PRAMEF12: variants seen among roughly 807,000 people sequenced by gnomAD.
The protein encoded by PRAMEF12 is PRAME family member 12.
In PRAMEF12, 24 loss-of-function variants were observed where a neutral mutation model predicts 24.6. The ratio of observed to expected loss-of-function variants is 0.98; its 90% confidence interval spans 0.71 to 1.37. PRAMEF12 has a LOEUF of 1.37. Among genes scored for constraint, PRAMEF12 ranks in the 40% most tolerant of loss-of-function variants. PRAMEF12 has a pLI of 0.00. For missense variants in PRAMEF12, 646 were observed against 580.3 expected (o/e 1.11, Z -1.16); for synonymous variants, 286 against 242.6 (o/e 1.18, Z -1.66).
In PRAMEF12 at chr1:12,777,495, G is replaced by A; in HGVS notation, c.1348G>A (p.Val450Met). The change falls in exon 3 of 3, where the codon GTG becomes ATG. Residue 450 changes from valine (V) to methionine (M), a missense_variant. Coordinates refer to ENST00000357726, the MANE Select transcript of PRAMEF12 (RefSeq NM_001080830.5). ...GGACTTAAGGCAGCCCAAGATAATTGTGTTCAGCACTGTCCCCTGCCCTCG... is the reference window on the plus strand; with the variant it reads ...GGACTTAAGGCAGCCCAAGATAATTATGTTCAGCACTGTCCCCTGCCCTCG... ...LRDLRQPKII[V>M]FSTVPCPRCG... 2 of 1,614,082 alleles carry A rather than the reference G, an allele frequency of 1.2e-6. No individual in the cohort carries two copies. Among genetic ancestry groups the A allele is most frequent in the Non-Finnish European group, 1.7e-6 (2 of 1,180,012 alleles).
At position 12,777,705 on chromosome 1, in the gene PRAMEF12, A is replaced by G; in HGVS notation, c.*106A>G. The G allele has an allele frequency of 7.5e-7, 1 of 1,336,456 alleles. No homozygotes were observed. Among genetic ancestry groups the G allele is most frequent in the South Asian group, 1.4e-5 (1 of 70,924 alleles). The allele number at this position is 1,336,456 out of a possible 1,614,324, so 82.8% of individuals were successfully genotyped here. On this transcript the variant is annotated 3_prime_UTR_variant, in exon 3 of 3. Coordinates refer to ENST00000357726, the MANE Select transcript of PRAMEF12 (RefSeq NM_001080830.5). The stretch of plus-strand genomic sequence containing the variant: ...GCCTGCTCAATGTGAACCGGAAAGG[A>G]AAGGGGATGCAGGAAGGGAGGGACT...
chr1:12,776,935 G>C, intron 2 of PRAMEF12, 76 bp from the exon 3 acceptor site: 1 of 1,437,634 alleles, frequency 7.0e-7, no homozygotes, highest in African/African-American at 1.4e-5. Context: ...AACAGCCTTG[G>C]GTTGTGAAAA....
In PRAMEF12 at chr1:12,775,872, A is replaced by C. The variant is rs199909757; in HGVS notation, c.617A>C (p.Gln206Pro). The change falls in exon 2 of 3, where the codon CAG becomes CCG. Residue 206 changes from glutamine (Q) to proline (P), a missense_variant. By Grantham distance (76) the Gln-to-Pro change is moderately conservative. Transcript: ENST00000357726. ...VLNTVELDCI[Q>P]EVEVCCPWEL... Reference sequence around the variant, plus strand: ...AACACGGTGGAGCTAGACTGTATCCAGGAGGTGGAAGTGTGCTGCCCGTGG... The same window carrying C: ...AACACGGTGGAGCTAGACTGTATCCCGGAGGTGGAAGTGTGCTGCCCGTGG... 6.2e-7 allele frequency: 1 copy of C among 1,614,072 alleles called. No individual in the cohort carries two copies. The highest frequency in any genetic ancestry group is 1.7e-5 in the Admixed American group (1 of 60,024).
chr1:12,777,388 C>T lies in PRAMEF12; in HGVS notation c.1241C>T (p.Pro414Leu), dbSNP rs1014320553. ...CTAAGCCTGGAGCTGTATCCTGCCC[C>T]TCTGGAGAGTTATGATGCCCAGGGT... ...SKLSLELYPA[P>L]LESYDAQGAL... is the part of the protein sequence containing the mutation. Residue 414 changes from proline to leucine, a missense_variant, in exon 3 of 3, where the codon CCT (proline) becomes CTT (leucine). Transcript: ENST00000357726. The T allele has an allele frequency of 3.1e-6, 5 of 1,613,804 alleles. No individual in the cohort carries two copies. The South Asian group carries it at 3.3e-5, about 11-fold the overall frequency.
chr1:12,777,029 G>A lies in PRAMEF12; in HGVS notation c.882G>A (p.Leu294=). The change falls in exon 3 of 3, where the codon TTG becomes TTA. Residue 294 remains leucine (L), a synonymous_variant. Coordinates refer to ENST00000357726, the MANE Select transcript of PRAMEF12 (RefSeq NM_001080830.5). The stretch of plus-strand genomic sequence containing the variant: ...CTCCCAGGTGTCTCCAGGCCCCCTT[G>A]GAGACAGTCGTAATGACCGAATGCC... ...DQLLRCLQAP[L]ETVVMTECLL... 1 of 1,612,970 alleles carries A rather than the reference G, an allele frequency of 6.2e-7. No individual in the cohort carries two copies. Among genetic ancestry groups the A allele is most frequent in the Non-Finnish European group, 8.5e-7 (1 of 1,179,414 alleles).
Position 12,775,764 on chromosome 1 carries a change from A to G in PRAMEF12, c.509A>G (p.Lys170Arg), listed in dbSNP as rs1173739554. 7.4e-6 allele frequency: 12 copies of G among 1,613,786 alleles called. No individual in the cohort carries two copies. Among genetic ancestry groups the G allele is most frequent in the Non-Finnish European group, 1.0e-5 (12 of 1,179,984 alleles). ...CTCACCCACTTCTTAGAGTGGGGCA[A>G]GCAGAGAAAAGGCTTACTGCACGTG... ...ECLTHFLEWGKQRKGLLHVCC... is the reference protein window; with the variant it reads ...ECLTHFLEWGRQRKGLLHVCC... The change falls in exon 2 of 3, where the codon AAG (lysine) becomes AGG (arginine). Residue 170 changes from lysine (K) to arginine (R), a missense_variant. Coordinates refer to ENST00000357726, the MANE Select transcript of PRAMEF12 (RefSeq NM_001080830.5).
Position 12,775,024 on chromosome 1 carries a change from A to C in PRAMEF12, c.157A>C (p.Thr53Pro). The C allele has an allele frequency of 6.2e-7, 1 of 1,614,068 alleles. No homozygotes were observed. Among genetic ancestry groups the C allele is most frequent in the Non-Finnish European group, 8.5e-7 (1 of 1,180,014 alleles). ...AFTRRCCETL[T>P]TMVQAWPFTC... ...TACCAGGAGATGCTGCGAGACCCTG[A>C]CAACTATGGTGCAGGCCTGGCCCTT... The change falls in exon 1 of 3, where the codon ACA becomes CCA. Residue 53 changes from threonine (T) to proline (P), a missense_variant. Coordinates refer to ENST00000357726, the MANE Select transcript of PRAMEF12 (RefSeq NM_001080830.5).
rs774805265 is a variant in PRAMEF12, at chr1:12,775,566, A to T, written c.311A>T (p.Asp104Val). ...AGGCGGTGGAAACTTCAAGTGTTGG[A>T]CTTGCGGAATGTGGATGAGAACTTC... ...RPRRWKLQVLDLRNVDENFWG... is the reference protein window; with the variant it reads ...RPRRWKLQVLVLRNVDENFWG... Residue 104 changes from aspartate to valine, a missense_variant, in exon 2 of 3, where the codon GAC becomes GTC. Physicochemically the swap from Asp to Val is radical, Grantham distance 152. Transcript: ENST00000357726. The T allele has an allele frequency of 3.1e-6, 5 of 1,611,774 alleles. No individual in the cohort carries two copies. In the East Asian group the frequency reaches 8.9e-5, roughly 29 times the overall value.
Position 12,777,575 on chromosome 1 carries a change from C to T in PRAMEF12, c.1428C>T (p.Ala476=), listed in dbSNP as rs1250199282. 1.9e-6 allele frequency: 3 copies of T among 1,614,040 alleles called. No individual in the cohort carries two copies. The highest frequency in any genetic ancestry group is 2.5e-6 in the Non-Finnish European group (3 of 1,180,036). The part of the protein sequence containing the change: ...DLEPSHCLLN[A]CCQGGFI ...AGCCCAGTCACTGTCTGTTGAATGCCTGCTGTCAGGGTGGATTTATTTAAA... is the reference window on the plus strand; with the variant it reads ...AGCCCAGTCACTGTCTGTTGAATGCTTGCTGTCAGGGTGGATTTATTTAAA... Residue 476 remains alanine (A), a synonymous_variant, in exon 3 of 3, where the codon GCC becomes GCT. Transcript: ENST00000357726.
At chr1:12,775,306 C>T in intron 1 of PRAMEF12, 152 bp downstream of exon 1, 1 of 1,043,756 alleles carries the variant, frequency 9.6e-7, no homozygotes, top group Non-Finnish European at 1.4e-6. Context: ...TGTCCAGCTC[C>T]TCTGGGAAAG....
At chr1:12,776,226 C>T (rs754814933) in intron 2 of PRAMEF12, 108 bp downstream of exon 2, 22 of 1,140,266 alleles carry the variant, frequency 1.9e-5, no homozygotes, top group African/African-American at 7.6e-5. Context: ...GAGGTAACAG[C>T]GAAGGGGACA....
chr1:12,776,038 G>T lies in PRAMEF12; in HGVS notation c.783G>T (p.Gln261His). 6.2e-7 allele frequency: 1 copy of T among 1,614,160 alleles called. No individual in the cohort carries two copies. The highest frequency in any genetic ancestry group is 8.5e-7 in the Non-Finnish European group (1 of 1,180,026). ...AGTTTGTCATCCAGTTCACCTCTCA[G>T]TTCCTCAAGCTGGACTACTTCCAGA... ...KEQFVIQFTS[Q>H]FLKLDYFQKL... is the part of the protein sequence containing the mutation. The change falls in exon 2 of 3, where the codon CAG (glutamine) becomes CAT (histidine). Residue 261 changes from glutamine (Q) to histidine (H), a missense_variant. Coordinates refer to ENST00000357726, the MANE Select transcript of PRAMEF12 (RefSeq NM_001080830.5).
Position 12,774,429 on chromosome 1 carries a change from G to A in PRAMEF12, c.-439G>A, listed in dbSNP as rs555505559. On this transcript the variant is annotated 5_prime_UTR_variant, in exon 1 of 3. Coordinates refer to ENST00000357726, the MANE Select transcript of PRAMEF12 (RefSeq NM_001080830.5). ...ATTTTTCAAAATAAAAAATAATGGC[G>A]CTGATTCCAAGGAGTCCCTTTAGTC... 1.2e-4 allele frequency among the ~76,000 whole-genome samples: 18 copies of A among 152,286 alleles called. No homozygotes were observed. The highest frequency in any genetic ancestry group is 6.5e-4 in the Admixed American group (10 of 15,296).
In PRAMEF12 at chr1:12,777,064, A is replaced by G. The variant is rs763185762; in HGVS notation, c.917A>G (p.Glu306Gly). The G allele has an allele frequency of 6.2e-7, 1 of 1,613,480 alleles. No homozygotes were observed. The highest frequency in any genetic ancestry group is 1.1e-5 in the South Asian group (1 of 91,018). The change falls in exon 3 of 3, where the codon GAG becomes GGG. Residue 306 changes from glutamate to glycine, a missense_variant. Physicochemically the swap from Glu to Gly is moderately conservative, Grantham distance 98 (BLOSUM62 -2). Transcript: ENST00000357726. ...GTAATGACCGAATGCCTGCTGTCAG[A>G]GTCGGACCTGAAGCATCTCTCTTGG... ...TVVMTECLLSESDLKHLSWCP... is the reference protein window; with the variant it reads ...TVVMTECLLSGSDLKHLSWCP...
chr1:12,777,724 A>T lies in PRAMEF12; in HGVS notation c.*125A>T. ...GAAAGGAAAGGGGATGCAGGAAGGG[A>T]GGGACTGGGGGAAAAGTTGAGTTGG... On this transcript the variant is annotated 3_prime_UTR_variant, in exon 3 of 3. Transcript: ENST00000357726. 1 of 1,185,714 alleles carries T rather than the reference A, an allele frequency of 8.4e-7. No homozygotes were observed. The highest frequency in any genetic ancestry group is 1.5e-5 in the African/African-American group (1 of 64,968). The allele number at this position is 1,185,714 out of a possible 1,614,324, so 73.4% of individuals were successfully genotyped here. A position where few individuals can be genotyped will look rare whatever the true frequency, so the allele number is the denominator to read the frequency against.
chr1:12,776,940 T>C, intron 2 of PRAMEF12, 71 bp from the exon 3 acceptor site: 2 of 1,476,148 alleles, frequency 1.4e-6, no homozygotes, highest in South Asian at 1.3e-5. Context: ...CCTTGGGTTG[T>C]GAAAAGTGTC....
rs752382894 is a variant in PRAMEF12 at position 12,775,883 on chromosome 1, G to A, written c.628G>A (p.Val210Met). Residue 210 changes from valine to methionine, a missense_variant, in exon 2 of 3, where the codon GTG (valine) becomes ATG (methionine). Coordinates refer to ENST00000357726, the MANE Select transcript of PRAMEF12 (RefSeq NM_001080830.5). Reference sequence around the variant, plus strand: ...GCTAGACTGTATCCAGGAGGTGGAAGTGTGCTGCCCGTGGGAGCTGTCCAT... The same window carrying A: ...GCTAGACTGTATCCAGGAGGTGGAAATGTGCTGCCCGTGGGAGCTGTCCAT... ...VELDCIQEVEVCCPWELSILI... is the reference protein window; with the variant it reads ...VELDCIQEVEMCCPWELSILI... 5 of 1,614,022 alleles carry A rather than the reference G, an allele frequency of 3.1e-6. No individual in the cohort carries two copies. Among genetic ancestry groups the A allele is most frequent in the African/African-American group, 1.3e-5 (1 of 74,890 alleles).
rs1367576612 is a variant in PRAMEF12 at position 12,774,738 on chromosome 1, A to G, written c.-130A>G. The G allele has an allele frequency of 2.4e-6, 2 of 842,652 alleles. No individual in the cohort carries two copies. The highest frequency in any genetic ancestry group is 3.7e-6 in the Non-Finnish European group (2 of 545,722). The allele number at this position is 842,652 out of a possible 1,614,324, so 52.2% of individuals were successfully genotyped here. ...CAGAATTACAGATTTGTGTCCAGAA[A>G]GTGCAGAGTGGAATTGGGGTGAACT... is the stretch of plus-strand genomic sequence containing the variant. On this transcript the variant is annotated 5_prime_UTR_variant, in exon 1 of 3. Transcript: ENST00000357726.
intron 2 of PRAMEF12, 59 bp from the exon 3 acceptor site, chr1:12,776,952 T>A: frequency 1.1e-5 from 16 of 1,518,724 alleles, no homozygotes; most frequent in Non-Finnish European, 1.3e-5. Flanking sequence ...AAAAGTGTCA[T>A]CTCTCACCTT....
Sources: gnomAD v4.1 joint callset for allele counts (sites outside exome capture counted in the v4.1 genomes callset) on GRCh38, gnomAD v4.1.1 for gene constraint, MANE v1.5 for transcripts, NCBI Gene and HGNC (gene_info 2026-07-23, HGNC 2026-07-21) for gene names.